The following RAD23B variants were observed in gnomAD, a reference collection of about 807,000 sequenced individuals.
RAD23B encodes RAD23 nucleotide excision repair protein B.
RAD23B carries 5 observed loss-of-function variants against 49.1 expected under a neutral mutation model. The observed-to-expected ratio is 0.10, with a 90% CI of 0.05 to 0.21. The LOEUF is 0.21. Ranked by LOEUF, RAD23B falls within the 10% of genes least tolerant of loss-of-function variation. The pLI is 1.00. For synonymous variants in RAD23B, 184 were observed against 165.4 expected (o/e 1.11, Z -0.86); for missense variants, 356 against 486.7 (o/e 0.73, Z 2.53).
chr9:107,324,737 G>A (rs936172176), intron 8 of RAD23B, 97 bp from the exon 9 acceptor site: 3 of 1,251,660 alleles, frequency 2.4e-6, no homozygotes, highest in African/African-American at 1.5e-5. Context: ...GTTTGCAAAA[G>A]TGTAGCCTTT....
chr9:107,329,006 G>A (rs1008088530), intron 9 of RAD23B, among the ~76,000 whole-genome samples: 4 of 152,148 alleles, frequency 2.6e-5, no homozygotes, highest in Admixed American at 2.6e-4. Context: ...TGTTTTTCTA[G>A]TATGGAGTGT....
Position 107,311,666 on chromosome 9 carries a change from T to C in RAD23B, c.498-16T>C, listed in dbSNP as rs747395460. 1.9e-5 allele frequency: 29 copies of C among 1,563,718 alleles called. No homozygotes were observed. Among genetic ancestry groups the C allele is most frequent in the Non-Finnish European group, 2.4e-5 (28 of 1,159,002 alleles). On this transcript the variant is annotated splice_polypyrimidine_tract_variant and intron_variant, in intron 4 of 9. Transcript: ENST00000358015. ...TATACTTTTTAAAATGTGATTTTTCTAAAATCCTTTTGTAGTACATCGGGT... is the reference window on the plus strand; with the variant it reads ...TATACTTTTTAAAATGTGATTTTTCCAAAATCCTTTTGTAGTACATCGGGT...
chr9:107,287,453 A>G (rs1428796786), intron 1 of RAD23B, among the ~76,000 whole-genome samples: 1 of 152,242 alleles, frequency 6.6e-6, no homozygotes, highest in South Asian at 2.1e-4. Context: ...TATACATTGG[A>G]TGTTTTTGCT....
Position 107,283,347 on chromosome 9 carries a change from C to T in RAD23B, c.-283C>T, listed in dbSNP as rs1396468357. The T allele has an allele frequency of 2.4e-6, 1 of 420,118 alleles. No homozygotes were observed. Among genetic ancestry groups the T allele is most frequent in the Non-Finnish European group, 4.1e-6 (1 of 241,134 alleles). The allele number at this position is 420,118 out of a possible 1,614,324, so 26.0% of individuals were successfully genotyped here. ...ATTCCCTGCTTGTCTCGCCGACCCC[C>T]TCGCGCCTTCTGCAGACTCCGTGGC... On this transcript the variant is annotated 5_prime_UTR_variant, in exon 1 of 10. Transcript: ENST00000358015.
chr9:107,298,592 A>G (rs1020282009), intron 1 of RAD23B, among the ~76,000 whole-genome samples: 2 of 147,426 alleles, frequency 1.4e-5, no homozygotes, highest in African/African-American at 5.1e-5. Flanking sequence ...CAGCCTCCCA[A>G]AGTGCTGGGA....
At chr9:107,295,861 T>TA (rs1480206992) in intron 1 of RAD23B, among the ~76,000 whole-genome samples, 2 of 152,194 alleles carry the variant, frequency 1.3e-5, no homozygotes, top group African/African-American at 4.8e-5. Flanking sequence ...TTGGTCCAAA[T>TA]ACAGAATTTT....
intron 4 of RAD23B, among the ~76,000 whole-genome samples, chr9:107,309,950 ACC>A (rs764934788): frequency 6.8e-5 from 9 of 132,440 alleles, no homozygotes; most frequent in East Asian, 2.2e-4. Flanking sequence ...AAAAAAAAAA[ACC>A]AATGTGTGAT....
intron 3 of RAD23B, among the ~76,000 whole-genome samples, chr9:107,305,344 T>A (rs1331763777): frequency 6.6e-6 from 1 of 152,158 alleles, no homozygotes; most frequent in Non-Finnish European, 1.5e-5. Context: ...ATATTTTTAG[T>A]GTTCATTAAG....
intron 6 of RAD23B, among the ~76,000 whole-genome samples, chr9:107,319,353 A>G (rs2133092593): frequency 6.6e-6 from 1 of 151,860 alleles, no homozygotes; most frequent in East Asian, 1.9e-4. Context: ...GATGGTCTTG[A>G]TCTCCTGACC....
chr9:107,324,787 A>T, intron 8 of RAD23B, 47 bp from the exon 9 acceptor site: 5 of 1,478,832 alleles, frequency 3.4e-6, no homozygotes, highest in Non-Finnish European at 4.5e-6. Context: ...TCCTGCAGAT[A>T]CTTAATATCA....
chr9:107,322,839 C>T (rs117171563), intron 7 of RAD23B, among the ~76,000 whole-genome samples: 1 of 152,300 alleles, frequency 6.6e-6, no homozygotes, highest in Non-Finnish European at 1.5e-5. Flanking sequence ...AGGACAGGCC[C>T]TTTGTTTGTT....
intron 9 of RAD23B, among the ~76,000 whole-genome samples, chr9:107,327,590 G>A (rs762286843): frequency 5.3e-5 from 8 of 151,892 alleles, no homozygotes; most frequent in South Asian, 2.1e-4. Flanking sequence ...TTCTCCTTTC[G>A]ATTTCTAAAT....
chr9:107,293,307 G>A (rs1452941223), intron 1 of RAD23B, among the ~76,000 whole-genome samples: 2 of 152,188 alleles, frequency 1.3e-5, no homozygotes, highest in Non-Finnish European at 2.9e-5. Flanking sequence ...TATGTGAAGG[G>A]TATGTACCAA....
At chr9:107,296,619 T>G (rs1410517271) in intron 1 of RAD23B, among the ~76,000 whole-genome samples, 2 of 152,026 alleles carry the variant, frequency 1.3e-5, no homozygotes, top group Non-Finnish European at 2.9e-5. Flanking sequence ...CAGGCTAGAG[T>G]GCAGTGGCAT....
intron 9 of RAD23B, among the ~76,000 whole-genome samples, chr9:107,326,509 G>GA (rs1688464752): frequency 6.7e-6 from 1 of 149,504 alleles, no homozygotes; most frequent in African/African-American, 2.5e-5. Context: ...GAATTGGTGT[G>GA]AATTTTTTGA....
chr9:107,287,713 A>C lies in RAD23B; in HGVS notation c.66+4018A>C, dbSNP rs931049007. On this transcript the variant is annotated intron_variant, in intron 1 of 9. Transcript: ENST00000358015. The stretch of plus-strand genomic sequence containing the variant: ...GCTGGGCATGGTGGTGCATGCCTGT[A>C]ATCCCAGCCACTTAGGAGGCTGAGG... 8.5e-5 allele frequency among the ~76,000 whole-genome samples: 13 copies of C among 152,120 alleles called. No individual in the cohort carries two copies. In the South Asian group the frequency reaches 2.7e-3, roughly 32 times the overall value.
intron 1 of RAD23B, among the ~76,000 whole-genome samples, chr9:107,290,293 C>T (rs972541817): frequency 3.9e-5 from 6 of 152,224 alleles, no homozygotes; most frequent in East Asian, 1.9e-4. Flanking sequence ...ACCTCATCCC[C>T]TGTCATGTGT....
rs763406576 is a variant in RAD23B, at chr9:107,324,815, G to A, written c.946-19G>A. On this transcript the variant is annotated intron_variant, in intron 8 of 9. Coordinates refer to ENST00000358015, the MANE Select transcript of RAD23B (RefSeq NM_002874.5). ...TAATATCAGTGTATTATTTTTCTCTGTCCTTCATATCACCACAGCAAATTA... is the reference window on the plus strand; with the variant it reads ...TAATATCAGTGTATTATTTTTCTCTATCCTTCATATCACCACAGCAAATTA... 5.1e-6 allele frequency: 8 copies of A among 1,575,338 alleles called. No individual in the cohort carries two copies. In the South Asian group the frequency reaches 9.3e-5, roughly 18 times the overall value.
intron 5 of RAD23B, among the ~76,000 whole-genome samples, chr9:107,312,701 CTA>C (rs1826911671): frequency 6.6e-6 from 1 of 152,174 alleles, no homozygotes; most frequent in African/African-American, 2.4e-5. Context: ...AGAAACCACT[CTA>C]TTTCAAAGAG....
Sources: gnomAD v4.1 joint callset for allele counts (sites outside exome capture counted in the v4.1 genomes callset) on GRCh38, gnomAD v4.1.1 for gene constraint, MANE v1.5 for transcripts, NCBI Gene and HGNC (gene_info 2026-07-23, HGNC 2026-07-21) for gene names.